Variants in ADGRL2 observed in about 807,000 individuals in gnomAD.
ADGRL2 encodes the protein calcium-independent alpha-latrotoxin receptor 2.
A neutral mutation model predicts 157.4 loss-of-function variants in ADGRL2; 44 were observed. The observed-to-expected ratio is 0.28, with a 90% CI of 0.22 to 0.36. The LOEUF (loss-of-function observed/expected upper bound fraction) is 0.36, where lower values mean the gene tolerates loss of function less well. Ranked by LOEUF, ADGRL2 falls within the 10% of genes least tolerant of loss-of-function variation. ADGRL2 has a pLI of 1.00. For missense variants in ADGRL2, 1,510 were observed against 1,768.9 expected (o/e 0.85, Z 2.63); for synonymous variants, 585 against 624.7 (o/e 0.94, Z 0.95).
At chr1:81,684,670 A>G (rs1311957480) in intron 3 of ADGRL2, among the ~76,000 whole-genome samples, 1 of 152,042 alleles carries the variant, frequency 6.6e-6, no homozygotes, top group Non-Finnish European at 1.5e-5. Context: ...TCTTTATTGC[A>G]TTTGCTTTTG....
chr1:81,645,861 C>G (rs1023781306), intron 3 of ADGRL2, among the ~76,000 whole-genome samples: 5 of 152,098 alleles, frequency 3.3e-5, no homozygotes, highest in Admixed American at 6.6e-5. Context: ...GTATGACTCT[C>G]CTTTCATAAG....
chr1:81,627,694 A>G (rs1268016211), intron 3 of ADGRL2, among the ~76,000 whole-genome samples: 1 of 152,186 alleles, frequency 6.6e-6, no homozygotes, highest in African/African-American at 2.4e-5. Context: ...GTGTGGGCAA[A>G]TTGAAAACAG....
At chr1:81,307,515 T>A (rs561931195) in intron 1 of ADGRL2, among the ~76,000 whole-genome samples, 3 of 152,194 alleles carry the variant, frequency 2.0e-5, no homozygotes, top group Admixed American at 6.5e-5. Context: ...ATGCAATATG[T>A]CTTTGAAAGT....
intron 3 of ADGRL2, among the ~76,000 whole-genome samples, chr1:81,613,478 G>A (rs1374994552): frequency 6.6e-6 from 1 of 152,198 alleles, no homozygotes; most frequent in African/African-American, 2.4e-5. Flanking sequence ...ATGGTGCTCT[G>A]AGCGTGCTGT....
intron 3 of ADGRL2, among the ~76,000 whole-genome samples, chr1:81,681,973 C>A (rs1214748527): frequency 1.3e-5 from 2 of 151,978 alleles, no homozygotes; most frequent in Non-Finnish European, 2.9e-5. Flanking sequence ...TGGGGAGAAG[C>A]CAGTGAATGA....
At chr1:81,761,783 A>C (rs2149308742) in intron 1 of ADGRL2, 1 of 152,166 alleles carries the variant, frequency 6.6e-6, no homozygotes, top group South Asian at 2.1e-4. Flanking sequence ...GAGGTATAAT[A>C]AATAATAATA....
intron 6 of ADGRL2, among the ~76,000 whole-genome samples, chr1:81,948,175 C>G (rs544260445): frequency 6.6e-6 from 1 of 151,178 alleles, no homozygotes; most frequent in African/African-American, 2.4e-5. Flanking sequence ...CGAGACCACA[C>G]CACTGCACTC....
chr1:81,773,303 A>C (rs899219963), intron 2 of ADGRL2, among the ~76,000 whole-genome samples: 1 of 152,306 alleles, frequency 6.6e-6, no homozygotes, highest in African/African-American at 2.4e-5. Flanking sequence ...GGTCCTGATA[A>C]CTACACTTAC....
chr1:81,683,869 T>C (rs538208865), intron 3 of ADGRL2, among the ~76,000 whole-genome samples: 2 of 152,096 alleles, frequency 1.3e-5, no homozygotes, highest in South Asian at 4.2e-4. Flanking sequence ...CAGGCTGGAG[T>C]GCAGTGGCGC....
intron 2 of ADGRL2, among the ~76,000 whole-genome samples, chr1:81,526,792 A>G (rs1468732529): frequency 1.3e-5 from 2 of 152,196 alleles, no homozygotes; most frequent in Non-Finnish European, 2.9e-5. Context: ...CATTCTCCAT[A>G]TTTGGAAACT....
intron 1 of ADGRL2, chr1:81,426,453 C>T: frequency 2.6e-6 from 1 of 386,808 alleles, no homozygotes. Context: ...AGTCCGGTCT[C>T]AAAATGGAGG....
intron 1 of ADGRL2, among the ~76,000 whole-genome samples, chr1:81,408,324 T>A (rs951521225): frequency 5.9e-5 from 9 of 151,994 alleles, no homozygotes; most frequent in Admixed American, 3.9e-4. Context: ...CTCATTTTTT[T>A]TAAATTTCTT....
chr1:81,650,472 A>T (rs1000892452), intron 3 of ADGRL2, among the ~76,000 whole-genome samples: 6 of 150,768 alleles, frequency 4.0e-5, no homozygotes, highest in Admixed American at 3.3e-4. Flanking sequence ...GCTACTCGGG[A>T]GGCTGAGGCA....
intron 3 of ADGRL2, among the ~76,000 whole-genome samples, chr1:81,675,917 A>G (rs2082978268): frequency 6.6e-6 from 1 of 152,064 alleles, no homozygotes; most frequent in South Asian, 2.1e-4. Context: ...ACGCAAAATG[A>G]AGGTTTTAAA....
intron 2 of ADGRL2, among the ~76,000 whole-genome samples, chr1:81,889,934 A>G (rs960661389): frequency 6.6e-6 from 1 of 152,210 alleles, no homozygotes; most frequent in African/African-American, 2.4e-5. Context: ...CTCAGTGTAC[A>G]AGGATTGTAT....
intron 2 of ADGRL2, among the ~76,000 whole-genome samples, chr1:81,792,682 C>T (rs2087406309): frequency 3.3e-5 from 5 of 152,046 alleles, no homozygotes; most frequent in African/African-American, 1.2e-4. Context: ...TTTCTATATA[C>T]ATAAACATAT....
intron 6 of ADGRL2, among the ~76,000 whole-genome samples, chr1:81,947,579 C>T (rs11163396): frequency 0.18 from 27,468 of 152,084 alleles, 3,251 homozygotes; most frequent in East Asian, 0.63. Context: ...TCTGATTATC[C>T]ATGAATGGTG....
intron 1 of ADGRL2, among the ~76,000 whole-genome samples, chr1:81,401,743 C>G (rs978679673): frequency 2.0e-5 from 3 of 152,126 alleles, no homozygotes; most frequent in Non-Finnish European, 4.4e-5. Flanking sequence ...TAAGCAGCAT[C>G]TTTTCCAGAT....
intron 3 of ADGRL2, among the ~76,000 whole-genome samples, chr1:81,919,164 G>A (rs1447821163): frequency 1.3e-5 from 2 of 152,014 alleles, no homozygotes; most frequent in Non-Finnish European, 1.5e-5. Flanking sequence ...GGAGAAGAGA[G>A]ACTGAAAGAT....
Sources: allele counts gnomAD v4.1 joint callset (sites outside exome capture counted in the v4.1 genomes callset), GRCh38; gene constraint gnomAD v4.1.1; transcripts MANE v1.5; gene names NCBI Gene and HGNC (gene_info 2026-07-23, HGNC 2026-07-21).